The following PTGR2 variants were observed in gnomAD, a reference collection of about 807,000 sequenced individuals.
PTGR2 encodes the protein 15-oxoprostaglandin 13-reductase.
A neutral mutation model predicts 43.4 loss-of-function variants in PTGR2; 32 were observed. The observed-to-expected ratio is 0.74, with a 90% CI of 0.56 to 0.99. The LOEUF is 0.99. PTGR2 is among the 50% of genes least tolerant of loss of function. PTGR2 has a pLI of 0.00. For synonymous variants in PTGR2, 106 were observed against 139.2 expected (o/e 0.76, Z 1.68); for missense variants, 373 against 420.0 (o/e 0.89, Z 0.98).
chr14:73,880,389 A>T, intron 7 of PTGR2: 1 of 466,648 alleles, frequency 2.1e-6, no homozygotes, highest in Non-Finnish European at 3.9e-6. Context: ...CCTGGCCAAC[A>T]TGGTGAAACC....
At chr14:73,880,025 GAT>G in intron 6 of PTGR2, 28 bp from the exon 7 acceptor site, 1 of 1,609,856 alleles carries the variant, frequency 6.2e-7, no homozygotes, top group Non-Finnish European at 8.5e-7. Flanking sequence ...ATAGGAAAGG[GAT>G]ATTTTATCAT....
chr14:73,880,193 T>C lies in PTGR2; in HGVS notation c.851+17T>C, dbSNP rs2054949663. ...CATCACAAGGTGTGTTCTTCCTCTT[T>C]GCCCTTATTACCAGGTTCATGGGGT... On this transcript the variant is annotated intron_variant, in intron 7 of 9. Coordinates refer to ENST00000555661, the MANE Select transcript of PTGR2 (RefSeq NM_001146154.2). 1 of 1,613,246 alleles carries C rather than the reference T, an allele frequency of 6.2e-7. No individual in the cohort carries two copies. The highest frequency in any genetic ancestry group is 2.2e-5 in the East Asian group (1 of 44,838).
chr14:73,866,148 CCCA>C (rs2054592359), intron 3 of PTGR2, among the ~76,000 whole-genome samples: 1 of 151,986 alleles, frequency 6.6e-6, no homozygotes, highest in South Asian at 2.1e-4. Context: ...ACTACAGGCA[CCCA>C]CCACCACACC....
intron 4 of PTGR2, among the ~76,000 whole-genome samples, chr14:73,876,114 C>T (rs996449142): frequency 6.6e-5 from 10 of 151,956 alleles, no homozygotes; most frequent in Non-Finnish European, 1.2e-4. Context: ...CCACCGCACC[C>T]GGCCTTAAAG....
chr14:73,860,243 A>T (rs2054457023), intron 2 of PTGR2, among the ~76,000 whole-genome samples: 1 of 151,962 alleles, frequency 6.6e-6, no homozygotes, highest in South Asian at 2.1e-4. Flanking sequence ...CAAGGTGGGC[A>T]GATCGTGAGG....
At chr14:73,882,800 CTTTTTTTTTTTTTTTTTTTTTTTT>C (rs35651032) in intron 9 of PTGR2, among the ~76,000 whole-genome samples, 2 of 41,826 alleles carry the variant, frequency 4.8e-5, no homozygotes, top group Non-Finnish European at 4.6e-5. Flanking sequence ...ACGCCTGGCC[CTTTTTTTTTTTTTTTTTTTTTTTT>C]TTTTTTTTTT....
intron 4 of PTGR2, among the ~76,000 whole-genome samples, chr14:73,876,446 A>G (rs886501079): frequency 6.9e-6 from 1 of 144,254 alleles, no homozygotes; most frequent in Non-Finnish European, 1.5e-5. Flanking sequence ...GTGCAGAGAG[A>G]TAGATCTTGT....
intron 7 of PTGR2, chr14:73,880,383 G>T: frequency 2.1e-6 from 1 of 487,594 alleles, no homozygotes; most frequent in East Asian, 4.3e-5. Context: ...AACTAGCCTG[G>T]CCAACATGGT....
At position 73,879,135 on chromosome 14, in the gene PTGR2, T is replaced by G; in HGVS notation, c.559T>G (p.Cys187Gly). Residue 187 changes from cysteine to glycine, a missense_variant, in exon 6 of 10, where the codon TGT (cysteine) becomes GGT (glycine). Cys to Gly is a radical substitution (Grantham distance 159, BLOSUM62 -3). Transcript: ENST00000555661. ...AGGTTGTTCCAGAGTGGTGGGAATT[T>G]GTGGAACACATGAGAAATGCATCCT... ...FLGCSRVVGI[C>G]GTHEKCILLT... The G allele has an allele frequency of 6.2e-7, 1 of 1,614,180 alleles. No homozygotes were observed. Among genetic ancestry groups the G allele is most frequent in the Non-Finnish European group, 8.5e-7 (1 of 1,180,034 alleles).
chr14:73,861,287 A>G (rs2054483621), intron 3 of PTGR2: 1 of 152,240 alleles, frequency 6.6e-6, no homozygotes, highest in Non-Finnish European at 1.5e-5. Context: ...TACATTGCTG[A>G]AGACTGCAGA....
intron 3 of PTGR2, among the ~76,000 whole-genome samples, chr14:73,866,035 C>T (rs921488042): frequency 6.6e-6 from 1 of 150,528 alleles, no homozygotes; most frequent in Non-Finnish European, 1.5e-5. Flanking sequence ...TGGAGTCTTG[C>T]TCTGTCGCCA....
intron 4 of PTGR2, among the ~76,000 whole-genome samples, chr14:73,875,402 G>A (rs1050257745): frequency 6.6e-6 from 1 of 151,812 alleles, no homozygotes; most frequent in Non-Finnish European, 1.5e-5. Context: ...CTGGAGCGCA[G>A]TGGCGCGATC....
intron 3 of PTGR2, among the ~76,000 whole-genome samples, chr14:73,872,605 G>A (rs2054762058): frequency 6.6e-6 from 1 of 152,094 alleles, no homozygotes; most frequent in South Asian, 2.1e-4. Context: ...ACAATTCAGT[G>A]AATTTTGGAA....
chr14:73,876,603 G>A (rs779818518), intron 4 of PTGR2, among the ~76,000 whole-genome samples: 2 of 150,680 alleles, frequency 1.3e-5, no homozygotes, highest in South Asian at 4.2e-4. Context: ...AGCCTCCTGA[G>A]TAGCTGGGAT....
intron 5 of PTGR2, 149 bp from the exon 6 acceptor site, chr14:73,878,947 G>A: frequency 1.6e-6 from 1 of 632,466 alleles, no homozygotes; most frequent in Non-Finnish European, 2.6e-6. Flanking sequence ...AGTTCTTTTA[G>A]TTTCAAATTA....
chr14:73,883,970 AT>A, intron 9 of PTGR2, 130 bp from the exon 10 acceptor site: 1 of 637,082 alleles, frequency 1.6e-6, no homozygotes, highest in Non-Finnish European at 2.7e-6. Context: ...TTTCATGACC[AT>A]TTTCTTCTAT....
chr14:73,875,248 T>A (rs2054831868), intron 4 of PTGR2, among the ~76,000 whole-genome samples: 1 of 152,080 alleles, frequency 6.6e-6, no homozygotes, highest in South Asian at 2.1e-4. Flanking sequence ...TCCTCCCGCC[T>A]CAGCCCCACA....
At position 73,884,244 on chromosome 14, in the gene PTGR2, T is replaced by TA. The variant is rs1245957267; in HGVS notation, c.*73dup. On this transcript the variant is annotated 3_prime_UTR_variant, in exon 10 of 10. Transcript: ENST00000555661. ...ATTTTGCATATTTTCAAAGATATGT[T>TA]AAAAAATCCTTAGACTATACATAGC... 5 of 1,012,948 alleles carry TA rather than the reference T, an allele frequency of 4.9e-6. No homozygotes were observed. Among genetic ancestry groups the TA allele is most frequent in the African/African-American group, 3.2e-5 (2 of 62,588 alleles). 62.7% of individuals were successfully genotyped at this position (1,012,948 alleles called of 1,614,324 possible). A position where few individuals can be genotyped will look rare whatever the true frequency, so the allele number is the denominator to read the frequency against.
At chr14:73,864,258 GTA>G (rs1308863861) in intron 3 of PTGR2, among the ~76,000 whole-genome samples, 1 of 152,162 alleles carries the variant, frequency 6.6e-6, no homozygotes, top group African/African-American at 2.4e-5. Flanking sequence ...GAACATTTGT[GTA>G]TATGTTTTTG....
Sources: allele counts gnomAD v4.1 joint callset (sites outside exome capture counted in the v4.1 genomes callset), GRCh38; gene constraint gnomAD v4.1.1; transcripts MANE v1.5; gene names NCBI Gene and HGNC (gene_info 2026-07-23, HGNC 2026-07-21).